FLG2: variants seen among roughly 807,000 people sequenced by gnomAD.
FLG2 encodes the protein filaggrin-2.
Under a neutral mutation model 3.9 loss-of-function variants are expected in FLG2, and 7 were observed. The ratio of observed to expected loss-of-function variants is 1.79; its 90% CI spans 1.02 to 3.36. The LOEUF (loss-of-function observed/expected upper bound fraction) is 3.36. Among genes scored for constraint, FLG2 ranks in the 30% most tolerant of loss-of-function variants. The probability of loss-of-function intolerance (pLI) is 0.00; values close to 1 mark genes in which losing one functional copy is unlikely to be tolerated. For missense variants in FLG2, 2,700 were observed against 2,809.4 expected (o/e 0.96, Z 0.88); for synonymous variants, 1,031 against 1,056.1 (o/e 0.98, Z 0.46).
chr1:152,355,785 G>A lies in FLG2; in HGVS notation c.2001C>T (p.Gly667=), dbSNP rs1448647111. ...QYGSGSGQSS[G]FGQHVSGSGQ... The stretch of plus-strand genomic sequence containing the variant: ...CTGAGCCAGAAACATGTTGTCCAAA[G>A]CCAGAGGACTGACCTGAGCCTGATC... The change falls in exon 3 of 3, where the codon GGC becomes GGT. Residue 667 remains glycine (G), a synonymous_variant. Coordinates refer to ENST00000388718, the MANE Select transcript of FLG2 (RefSeq NM_001014342.3). 5.6e-6 allele frequency: 9 copies of A among 1,613,088 alleles called. No individual in the cohort carries two copies. The East Asian group carries it at 2.0e-4, about 36-fold the overall frequency.
At position 152,357,179 on chromosome 1, in the gene FLG2, C is replaced by A. The variant is rs769318965; in HGVS notation, c.607G>T (p.Glu203Ter). Residue 203 changes from glutamate to a stop codon, truncating the protein, a stop_gained, in exon 3 of 3, where the codon GAA (glutamate) becomes TAA (stop). Coordinates refer to ENST00000388718, the MANE Select transcript of FLG2 (RefSeq NM_001014342.3). LOFTEE classifies it low-confidence loss of function (END_TRUNC). ...GKDRHGSSSVELRERINKSHI... is the reference protein window; with the variant it reads ...GKDRHGSSSV ...GACTTGTTTATTCTTTCTCTCAGTT[C>A]TACAGAGCTGGAACCATGTCTGTCT... 6.2e-6 allele frequency: 10 copies of A among 1,614,046 alleles called. No individual in the cohort carries two copies. The highest frequency in any genetic ancestry group is 1.7e-5 in the Admixed American group (1 of 60,002).
At position 152,357,412 on chromosome 1, in the gene FLG2, T is replaced by A; in HGVS notation, c.374A>T (p.His125Leu). 1 of 1,614,194 alleles carries A rather than the reference T, an allele frequency of 6.2e-7. No individual in the cohort carries two copies. Among genetic ancestry groups the A allele is most frequent in the South Asian group, 1.1e-5 (1 of 91,072 alleles). ...ACTTGAATGTCTGTAACCTGATTTATGTCCTGGTGTATCCTCTTCATCCTC... is the reference window on the plus strand; with the variant it reads ...ACTTGAATGTCTGTAACCTGATTTAAGTCCTGGTGTATCCTCTTCATCCTC... ...TEEDEEDTPG[H>L]KSGYRHSSWS... Residue 125 changes from histidine to leucine, a missense_variant, in exon 3 of 3, where the codon CAT becomes CTT. Physicochemically the swap from His to Leu is moderately conservative, Grantham distance 99. Transcript: ENST00000388718.
Position 152,357,618 on chromosome 1 carries a change from G to C in FLG2, c.168C>G (p.Val56=). 1 of 1,613,560 alleles carries C rather than the reference G, an allele frequency of 6.2e-7. No individual in the cohort carries two copies. Among genetic ancestry groups the C allele is most frequent in the South Asian group, 1.1e-5 (1 of 91,002 alleles). The change falls in exon 3 of 3, where the codon GTC becomes GTG. Residue 56 remains valine, a synonymous_variant. Coordinates refer to ENST00000388718, the MANE Select transcript of FLG2 (RefSeq NM_001014342.3). ...GATCTCGATCCAGCATATGCATGAT[G>C]ACATCCACTGTGTCTGGATCATCTG... ...KNPDDPDTVD[V]IMHMLDRDHD... is the part of the protein sequence containing the mutation.
In FLG2 at chr1:152,356,702, G is replaced by A; in HGVS notation, c.1084C>T (p.Gln362Ter). The A allele has an allele frequency of 1.2e-6, 2 of 1,614,188 alleles. No homozygotes were observed. Among genetic ancestry groups the A allele is most frequent in the Non-Finnish European group, 1.7e-6 (2 of 1,180,042 alleles). ...QRGYGARENG[Q>*]PQNCGGQWRT... is the part of the protein sequence containing the mutation. ...CATTGTCCTCCACAGTTCTGTGGTT[G>A]ACCATTTTCTCTAGCTCCATATCCT... is the stretch of plus-strand genomic sequence containing the variant. The change falls in exon 3 of 3, where the codon CAA becomes TAA. Residue 362 changes from glutamine (Q) to a stop codon, truncating the protein, a stop_gained. Transcript: ENST00000388718. LOFTEE classifies it low-confidence loss of function (END_TRUNC).
In FLG2 at chr1:152,351,279, A is replaced by C. The variant is rs1481094759; in HGVS notation, c.6507T>G (p.Gly2169=). 8.7e-6 allele frequency: 14 copies of C among 1,601,066 alleles called. No homozygotes were observed. The highest frequency in any genetic ancestry group is 7.1e-5 in the African/African-American group (5 of 70,228). ...QSGHGQSTQT[G]SRTTGRQRSS... ...ATCTTTGTCTTCCAGTTGTCCTGGA[A>C]CCTGTCTGTGTGGACTGTCCATGAC... The change falls in exon 3 of 3, where the codon GGT becomes GGG. Residue 2169 remains glycine (G), a synonymous_variant. Coordinates refer to ENST00000388718, the MANE Select transcript of FLG2 (RefSeq NM_001014342.3).
At position 152,352,321 on chromosome 1, in the gene FLG2, C is replaced by T. The variant is rs780770917; in HGVS notation, c.5465G>A (p.Arg1822Gln). 28 of 1,605,824 alleles carry T rather than the reference C, an allele frequency of 1.7e-5. 1 individual carries two copies. The highest frequency in any genetic ancestry group is 1.5e-4 in the Admixed American group (9 of 59,206). ...TCCAGCCTGGCCGTGAGTGTGTCCTCGTGAGTGTGGTCTTTGTGAGAACCC... is the reference window on the plus strand; with the variant it reads ...TCCAGCCTGGCCGTGAGTGTGTCCTTGTGAGTGTGGTCTTTGTGAGAACCC... ...HSGFSQRPHS[R>Q]GHTHGQAGSQ... is the part of the protein sequence containing the mutation. Residue 1822 changes from arginine (R) to glutamine (Q), a missense_variant, in exon 3 of 3, where the codon CGA becomes CAA. Physicochemically the swap from Arg to Gln is conservative, Grantham distance 43. Coordinates refer to ENST00000388718, the MANE Select transcript of FLG2 (RefSeq NM_001014342.3).
chr1:152,350,521 C>A lies in FLG2; in HGVS notation c.*89G>T. The A allele has an allele frequency of 6.8e-7, 1 of 1,467,180 alleles. No homozygotes were observed. The highest frequency in any genetic ancestry group is 1.4e-5 in the African/African-American group (1 of 71,064). 90.9% of individuals were successfully genotyped at this position (1,467,180 alleles called of 1,614,324 possible). On this transcript the variant is annotated 3_prime_UTR_variant, in exon 3 of 3. Coordinates refer to ENST00000388718, the MANE Select transcript of FLG2 (RefSeq NM_001014342.3). ...CTGAGAATCAACTGAATGTTCATAA[C>A]TTACCATTGACTGTTCATGATTTAA...
Position 152,351,678 on chromosome 1 carries a change from A to T in FLG2, c.6108T>A (p.Ser2036Arg). ...RASGHSEYSD[S>R]EGHSGVSHTH... is the part of the protein sequence containing the mutation. ...TGTGTGAGACCCCTGAGTGCCCTTC[A>T]CTGTCACTGTACTCACTGTGGCCAG... Residue 2036 changes from serine (S) to arginine (R), a missense_variant, in exon 3 of 3, where the codon AGT (serine) becomes AGA (arginine). Ser to Arg is a moderately radical substitution (Grantham distance 110). Transcript: ENST00000388718. The T allele has an allele frequency of 6.2e-7, 1 of 1,609,746 alleles. No individual in the cohort carries two copies. Among genetic ancestry groups the T allele is most frequent in the South Asian group, 1.1e-5 (1 of 90,726 alleles).
Position 152,348,775 on chromosome 1 carries a change from A to G in FLG2, c.*1835T>C, listed in dbSNP as rs569278777. ...TGTTTATTGCCAATTTTTATGAAGT[A>G]CAATTTTCTGGATCCTATATCCAGA... is the stretch of plus-strand genomic sequence containing the variant. On this transcript the variant is annotated 3_prime_UTR_variant, in exon 3 of 3. Transcript: ENST00000388718. 10 of 152,336 alleles carry G rather than the reference A, an allele frequency of 6.6e-5. No homozygotes were observed. The highest frequency in any genetic ancestry group is 2.4e-4 in the African/African-American group (10 of 41,570). The allele number at this position is 152,336 out of a possible 1,614,324, so 9.4% of individuals were successfully genotyped here.
At chr1:152,358,311 G>T (rs544650819) in intron 2 of FLG2, among the ~76,000 whole-genome samples, 1 of 152,056 alleles carries the variant, frequency 6.6e-6, no homozygotes, top group Non-Finnish European at 1.5e-5. Context: ...ATGAGCCACC[G>T]CGCCTAGCTG....
In FLG2 at chr1:152,353,853, T is replaced by TTGTC. The variant is rs1365371728; in HGVS notation, c.3929_3932dup (p.Gly1312ThrfsTer13). The TTGTC allele has an allele frequency of 5.0e-6, 8 of 1,613,970 alleles. No individual in the cohort carries two copies. Among genetic ancestry groups the TTGTC allele is most frequent in the Admixed American group, 1.7e-5 (1 of 60,018 alleles). On this transcript the variant is annotated frameshift_variant, in exon 3 of 3. Coordinates refer to ENST00000388718, the MANE Select transcript of FLG2 (RefSeq NM_001014342.3). LOFTEE classifies it low-confidence loss of function (END_TRUNC). ...CTCCTCTCTGTCCATGAGTAGTTCCTTGTCTTCTGCGAACTGTGGATCCTG... is the reference window on the plus strand; with the variant it reads ...CTCCTCTCTGTCCATGAGTAGTTCCTTGTCTGTCTTCTGCGAACTGTGGATCCTG...
chr1:152,356,578 C>A lies in FLG2; in HGVS notation c.1208G>T (p.Arg403Leu). ...ATTTGAACTAGAAGAGTTTGAAAAG[C>A]GGCCACAGGAACCATATTCATGTTG... ...NGQHEYGSCG[R>L]FSNSSSSNEF... The change falls in exon 3 of 3, where the codon CGC becomes CTC. Residue 403 changes from arginine to leucine, a missense_variant. Physicochemically the swap from Arg to Leu is moderately radical, Grantham distance 102 (BLOSUM62 -2). Coordinates refer to ENST00000388718, the MANE Select transcript of FLG2 (RefSeq NM_001014342.3). 1 of 1,614,148 alleles carries A rather than the reference C, an allele frequency of 6.2e-7. No individual in the cohort carries two copies. The highest frequency in any genetic ancestry group is 8.5e-7 in the Non-Finnish European group (1 of 1,180,008).
In FLG2 at chr1:152,357,322, T is replaced by C. The variant is rs761313469; in HGVS notation, c.464A>G (p.His155Arg). 13 of 1,614,186 alleles carry C rather than the reference T, an allele frequency of 8.1e-6. No individual in the cohort carries two copies. The highest frequency in any genetic ancestry group is 1.1e-5 in the Non-Finnish European group (13 of 1,180,032). The change falls in exon 3 of 3, where the codon CAT becomes CGT. Residue 155 changes from histidine to arginine, a missense_variant. Physicochemically the swap from His to Arg is conservative, Grantham distance 29. Transcript: ENST00000388718. ...TCCTAGCCTCCTGGAGTTGGACCCATGTCTACATTTCACAGTTCCCCTTGA... is the reference window on the plus strand; with the variant it reads ...TCCTAGCCTCCTGGAGTTGGACCCACGTCTACATTTCACAGTTCCCCTTGA... ...GHSRGTVKCR[H>R]GSNSRRLGRQ...
rs1237097580 is a variant in FLG2, at chr1:152,348,736, A to G, written c.*1874T>C. 1.3e-5 allele frequency: 2 copies of G among 152,238 alleles called. No individual in the cohort carries two copies. The highest frequency in any genetic ancestry group is 2.4e-5 in the African/African-American group (1 of 41,468). The allele number at this position is 152,238 out of a possible 1,614,324, so 9.4% of individuals were successfully genotyped here. On this transcript the variant is annotated 3_prime_UTR_variant, in exon 3 of 3. Transcript: ENST00000388718. ...GTGGAGATGAAAGAGAAGAGAAACTATAACTTGATGAAATGTTTATTGCCA... is the reference window on the plus strand; with the variant it reads ...GTGGAGATGAAAGAGAAGAGAAACTGTAACTTGATGAAATGTTTATTGCCA...
intron 1 of FLG2, among the ~76,000 whole-genome samples, chr1:152,359,474 A>G (rs922008014): frequency 6.6e-6 from 1 of 152,208 alleles, no homozygotes; most frequent in Non-Finnish European, 1.5e-5. Context: ...AGAGCTTAGG[A>G]ACTCTCTTAA....
At position 152,358,947 on chromosome 1, in the gene FLG2, C is replaced by T. The variant is rs890559075; in HGVS notation, c.-22-41G>A. Reference sequence around the variant, plus strand: ...CAAAGAACCCTATTATTCATATTCTCTCCTTTTATCAGCAATTTTCATTTT... The same window carrying T: ...CAAAGAACCCTATTATTCATATTCTTTCCTTTTATCAGCAATTTTCATTTT... On this transcript the variant is annotated intron_variant, in intron 1 of 2. Transcript: ENST00000388718. 7 of 1,498,018 alleles carry T rather than the reference C, an allele frequency of 4.7e-6. No homozygotes were observed. In the Admixed American group the frequency reaches 1.2e-4, roughly 25 times the overall value. 92.8% of individuals were successfully genotyped at this position (1,498,018 alleles called of 1,614,324 possible). A position where few individuals can be genotyped will look rare whatever the true frequency, so the allele number is the denominator to read the frequency against.
rs778423848 is a variant in FLG2, at chr1:152,358,883, ATC to A, written c.-1_1del. ...GACAACACTTCTCAAGAGGTCGGTC[ATC>A]TTTTTGCAAGTTTAAGTGAACCTGG... On this transcript the variant is annotated start_lost and start_retained_variant and 5_prime_UTR_variant, in exon 2 of 3. Transcript: ENST00000388718. The A allele has an allele frequency of 6.2e-7, 1 of 1,611,254 alleles. No homozygotes were observed. The highest frequency in any genetic ancestry group is 8.5e-7 in the Non-Finnish European group (1 of 1,179,144).
rs1179153005 is a variant in FLG2 at position 152,352,495 on chromosome 1, T to A, written c.5291A>T (p.His1764Leu). The A allele has an allele frequency of 1.2e-6, 2 of 1,611,100 alleles. No homozygotes were observed. Among genetic ancestry groups the A allele is most frequent in the Non-Finnish European group, 1.7e-6 (2 of 1,179,170 alleles). The change falls in exon 3 of 3, where the codon CAT (histidine) becomes CTT (leucine). Residue 1764 changes from histidine to leucine, a missense_variant. Coordinates refer to ENST00000388718, the MANE Select transcript of FLG2 (RefSeq NM_001014342.3). ...SQHGESESIV[H>L]ERHGTIHGQT... ...TCCATGTATAGTTCCATGTCTCTCATGAACTATGGATTCTGACTCTCCATG... is the reference window on the plus strand; with the variant it reads ...TCCATGTATAGTTCCATGTCTCTCAAGAACTATGGATTCTGACTCTCCATG...
Position 152,357,261 on chromosome 1 carries a change from C to T in FLG2, c.525G>A (p.Glu175=), listed in dbSNP as rs746025946. ...QGNLSSSGNQ[E]GSQKRYHRSS... ...ACCTGTGGTATCTTTTCTGAGATCC[C>T]TCTTGGTTCCCAGAGCTGGATAAAT... Residue 175 remains glutamate (E), a synonymous_variant, in exon 3 of 3, where the codon GAG becomes GAA. Transcript: ENST00000388718. The T allele has an allele frequency of 3.6e-5, 58 of 1,614,134 alleles. No individual in the cohort carries two copies. Among genetic ancestry groups the T allele is most frequent in the Non-Finnish European group, 4.8e-5 (57 of 1,180,028 alleles).
Sources: gnomAD v4.1 joint callset for allele counts (sites outside exome capture counted in the v4.1 genomes callset) on GRCh38, gnomAD v4.1.1 for gene constraint, MANE v1.5 for transcripts, NCBI Gene and HGNC (gene_info 2026-07-23, HGNC 2026-07-21) for gene names.